Variants in LOC400499 observed in about 807,000 individuals in gnomAD.
the LOC400499 span, among the ~76,000 whole-genome samples, chr16:11,507,716 G>C: frequency 1.3e-4 from 20 of 152,204 alleles, no homozygotes; most frequent in Non-Finnish European, 2.4e-4. Context: ...AGGACTGTTT[G>C]TGTCCAGAAG....
the LOC400499 span, chr16:11,407,457 G>A: frequency 1.3e-5 from 5 of 395,770 alleles, no homozygotes; most frequent in Admixed American, 1.8e-4. Flanking sequence ...AAAGTCCCAG[G>A]CCCAAGAGAC....
At chr16:11,436,901 G>C in the LOC400499 span, among the ~76,000 whole-genome samples, 8 of 152,012 alleles carry the variant, frequency 5.3e-5, no homozygotes, top group East Asian at 1.9e-4. Flanking sequence ...GCCTGGAAAG[G>C]TTTTAAAAGA....
At chr16:11,495,202 C>A in the LOC400499 span, among the ~76,000 whole-genome samples, 2 of 117,850 alleles carry the variant, frequency 1.7e-5, no homozygotes, top group Non-Finnish European at 3.5e-5. Context: ...GAGCGAAACT[C>A]TGTCTCCAAA....
chr16:11,431,239 G>A, the LOC400499 span: 15 of 398,962 alleles, frequency 3.8e-5, no homozygotes, highest in African/African-American at 8.2e-5. Flanking sequence ...CCTAGGCAGC[G>A]AAGTAAGGGG....
the LOC400499 span, among the ~76,000 whole-genome samples, chr16:11,404,413 C>G: frequency 6.6e-6 from 1 of 152,138 alleles, no homozygotes; most frequent in African/African-American, 2.4e-5. Flanking sequence ...CTGGCTCAAT[C>G]TCGGCTCTCT....
chr16:11,511,067 G>A, the LOC400499 span, among the ~76,000 whole-genome samples: 2 of 147,422 alleles, frequency 1.4e-5, no homozygotes, highest in African/African-American at 5.1e-5. Context: ...CGCGATCACA[G>A]CTCACTGCAG....
chr16:11,444,700 T>C, the LOC400499 span, among the ~76,000 whole-genome samples: 1 of 152,220 alleles, frequency 6.6e-6, no homozygotes, highest in Non-Finnish European at 1.5e-5. Context: ...GAGCACCTAC[T>C]GTGTACCAAG....
At chr16:11,514,499 C>A in the LOC400499 span, 5 of 399,640 alleles carry the variant, frequency 1.3e-5, no homozygotes, top group Non-Finnish European at 1.3e-5. Flanking sequence ...CACTCCGGCC[C>A]GGAAGCTCTG....
the LOC400499 span, among the ~76,000 whole-genome samples, chr16:11,395,952 A>G: frequency 6.6e-6 from 1 of 152,200 alleles, no homozygotes; most frequent in Non-Finnish European, 1.5e-5. Context: ...TGGCCAGGTC[A>G]GGGCAGAGTA....
chr16:11,398,521 G>A, the LOC400499 span: 16 of 1,232,164 alleles, frequency 1.3e-5, no homozygotes, highest in South Asian at 3.3e-4. Flanking sequence ...TGGAATGAGA[G>A]GGCCTATGGG....
chr16:11,446,953 C>A, the LOC400499 span: 1 of 1,508,310 alleles, frequency 6.6e-7, no homozygotes, highest in Non-Finnish European at 8.8e-7. Context: ...ATTAAAGCAG[C>A]TGGCAGTGCC....
chr16:11,526,676 A>G, the LOC400499 span, among the ~76,000 whole-genome samples: 6 of 152,180 alleles, frequency 3.9e-5, no homozygotes, highest in Non-Finnish European at 5.9e-5. Context: ...CTTTTTAAAA[A>G]TTTGTATGTG....
At chr16:11,384,024 C>G in the LOC400499 span, 14 of 1,231,828 alleles carry the variant, frequency 1.1e-5, no homozygotes, top group Non-Finnish European at 1.4e-5. Flanking sequence ...AGGATGGATG[C>G]AAGACTCAGG....
the LOC400499 span, among the ~76,000 whole-genome samples, chr16:11,507,025 G>A: frequency 0.012 from 1,879 of 152,280 alleles, 38 homozygotes; most frequent in African/African-American, 0.043. Context: ...AAAGACAGCC[G>A]CACAGTGCCC....
chr16:11,383,899 T>A, the LOC400499 span: 1 of 1,231,942 alleles, frequency 8.1e-7, no homozygotes, highest in Admixed American at 4.2e-5. Context: ...CCGGAAGCAG[T>A]CCCTCAAGCT....
the LOC400499 span, among the ~76,000 whole-genome samples, chr16:11,481,637 A>AT: frequency 4.6e-5 from 7 of 150,652 alleles, no homozygotes; most frequent in African/African-American, 1.7e-4. Context: ...TTTATTTTTT[A>AT]TTTTTATTTT....
the LOC400499 span, among the ~76,000 whole-genome samples, chr16:11,515,590 G>A: frequency 1.3e-5 from 2 of 151,554 alleles, no homozygotes; most frequent in East Asian, 3.9e-4. Flanking sequence ...GAAGGGGAAG[G>A]GAGGAGAGGA....
the LOC400499 span, chr16:11,390,362 C>T: frequency 8.1e-7 from 1 of 1,234,960 alleles, no homozygotes; most frequent in Non-Finnish European, 1.0e-6. Flanking sequence ...GGCACCCAGG[C>T]CTGCAGCCGC....
chr16:11,469,632 G>C, the LOC400499 span: 1 of 399,096 alleles, frequency 2.5e-6, no homozygotes, highest in Non-Finnish European at 4.4e-6. Flanking sequence ...CCATGAAGAC[G>C]TGGGCTGTGG....
Sources: allele counts gnomAD v4.1 joint callset (sites outside exome capture counted in the v4.1 genomes callset), GRCh38; gene constraint gnomAD v4.1.1; transcripts MANE v1.5.